Variants in MAP3K20 observed in about 807,000 individuals in gnomAD.
The protein encoded by MAP3K20 is HCCS-4.
A neutral mutation model predicts 85.7 loss-of-function variants in MAP3K20; 40 were observed. That is an observed-to-expected ratio of 0.47 (90% CI 0.36 to 0.61). MAP3K20 has a LOEUF of 0.61. Ranked by LOEUF, MAP3K20 falls within the 20% of genes least tolerant of loss-of-function variation. The probability of loss-of-function intolerance (pLI) is 0.00; values close to 1 mark genes in which losing one functional copy is unlikely to be tolerated. For synonymous variants in MAP3K20, 325 were observed against 327.7 expected (o/e 0.99, Z 0.09); for missense variants, 817 against 961.7 (o/e 0.85, Z 1.99).
chr2:173,088,666 A>G (rs1687207259), intron 1 of MAP3K20, among the ~76,000 whole-genome samples: 1 of 152,206 alleles, frequency 6.6e-6, no homozygotes, highest in African/African-American at 2.4e-5. Context: ...ATTAACAAAA[A>G]TGTAAACCTA....
chr2:173,124,671 T>TG (rs1422943931), intron 2 of MAP3K20, among the ~76,000 whole-genome samples: 1 of 152,212 alleles, frequency 6.6e-6, no homozygotes, highest in Non-Finnish European at 1.5e-5. Flanking sequence ...ATCCAGCTGC[T>TG]GGGGTGTCCA....
intron 3 of MAP3K20, among the ~76,000 whole-genome samples, chr2:173,176,980 T>C (rs1439283799): frequency 6.6e-6 from 1 of 151,954 alleles, no homozygotes; most frequent in Non-Finnish European, 1.5e-5. Context: ...GATAAAAGGA[T>C]CAAGACATCA....
intron 2 of MAP3K20, among the ~76,000 whole-genome samples, chr2:173,130,044 G>C (rs1426769123): frequency 6.6e-6 from 1 of 152,200 alleles, no homozygotes; most frequent in South Asian, 2.1e-4. Flanking sequence ...CCAAAGTGCA[G>C]AATTGCATTA....
intron 1 of MAP3K20, among the ~76,000 whole-genome samples, chr2:173,088,661 C>T (rs956525109): frequency 6.6e-6 from 1 of 152,092 alleles, no homozygotes; most frequent in African/African-American, 2.4e-5. Context: ...AAATAATTAA[C>T]AAAAATGTAA....
intron 2 of MAP3K20, among the ~76,000 whole-genome samples, chr2:173,165,632 T>A (rs889777278): frequency 1.3e-5 from 2 of 152,204 alleles, no homozygotes; most frequent in African/African-American, 4.8e-5. Context: ...ATGCATAGCA[T>A]AAAATTTGCT....
At position 173,220,594 on chromosome 2, in the gene MAP3K20, G is replaced by C. The variant is rs141842762; in HGVS notation, c.987+3344G>C. Reference sequence around the variant, plus strand: ...AATAAGTGGAAGCAAGTGAATTCTAGACTAATTTTTAGTGTATATTCAGAG... The same window carrying C: ...AATAAGTGGAAGCAAGTGAATTCTACACTAATTTTTAGTGTATATTCAGAG... On this transcript the variant is annotated intron_variant, in intron 11 of 19. Transcript: ENST00000375213. 9.7e-3 allele frequency among the ~76,000 whole-genome samples: 1,479 copies of C among 152,244 alleles called. 19 individuals carry two copies. Among genetic ancestry groups the C allele is most frequent in the Non-Finnish European group, 0.014 (942 of 68,012 alleles).
intron 11 of MAP3K20, chr2:173,222,332 C>T (rs1684275405): frequency 1.4e-5 from 14 of 985,854 alleles, no homozygotes; most frequent in Non-Finnish European, 1.7e-5. Flanking sequence ...TACTAAAGAG[C>T]ACAGCTGCTC....
intron 2 of MAP3K20, among the ~76,000 whole-genome samples, chr2:173,148,516 T>C (rs1689202253): frequency 1.3e-5 from 2 of 152,208 alleles, no homozygotes; most frequent in Non-Finnish European, 2.9e-5. Context: ...GGTCATGCTT[T>C]ATAGAATTGG....
intron 16 of MAP3K20, among the ~76,000 whole-genome samples, chr2:173,242,200 A>C (rs1291740927): frequency 6.8e-6 from 1 of 146,870 alleles, no homozygotes; most frequent in Non-Finnish European, 1.5e-5. Context: ...TTTGAGACGG[A>C]GTTTTGCTCT....
chr2:173,169,719 CA>C (rs67882203), intron 2 of MAP3K20, 85 bp from the exon 3 acceptor site: 2,732 of 1,317,394 alleles, frequency 2.1e-3, no homozygotes, highest in Admixed American at 2.6e-3. Context: ...GACCCTAACT[CA>C]AAAAAAAATG....
At chr2:173,242,647 T>C (rs1160057362) in intron 16 of MAP3K20, among the ~76,000 whole-genome samples, 3 of 151,192 alleles carry the variant, frequency 2.0e-5, no homozygotes, top group Non-Finnish European at 4.4e-5. Flanking sequence ...CTAAAGTTGC[T>C]GCAGGTTTTG....
intron 2 of MAP3K20, among the ~76,000 whole-genome samples, chr2:173,101,556 C>T (rs978757573): frequency 9.2e-5 from 14 of 152,080 alleles, no homozygotes; most frequent in Admixed American, 5.9e-4. Context: ...GCCTGAGTAG[C>T]TGATGTTATA....
Position 173,182,841 on chromosome 2 carries a change from C to CCTTTTA in MAP3K20, c.248-12_248-7dup. 6.5e-7 allele frequency: 1 copy of CCTTTTA among 1,539,386 alleles called. No individual in the cohort carries two copies. Among genetic ancestry groups the CCTTTTA allele is most frequent in the Non-Finnish European group, 8.8e-7 (1 of 1,135,904 alleles). ...TGATTTTAATTATATGCTTATCTTT[C>CCTTTTA]CTTTTAAAATAGAATATGCTTCTCT... On this transcript the variant is annotated splice_polypyrimidine_tract_variant and intron_variant, in intron 3 of 19. Transcript: ENST00000375213.
chr2:173,217,390 G>A (rs1173263467), intron 11 of MAP3K20, 140 bp downstream of exon 11: 16 of 997,528 alleles, frequency 1.6e-5, no homozygotes, highest in Middle Eastern at 3.5e-4. Flanking sequence ...TAAAGGGCCC[G>A]CGTGTGGACT....
At chr2:173,221,403 C>T (rs1318119250) in intron 11 of MAP3K20, 12 of 1,613,962 alleles carry the variant, frequency 7.4e-6, no homozygotes, top group African/African-American at 1.3e-5. Context: ...TCCAAAACCA[C>T]ATCTAAGAGA....
At chr2:173,207,637 T>G (rs549556954) in intron 9 of MAP3K20, 1 of 152,348 alleles carries the variant, frequency 6.6e-6, no homozygotes, top group East Asian at 1.9e-4. Flanking sequence ...CTTCCTACTC[T>G]TCTGAGACTT....
chr2:173,139,184 G>A (rs182289038), intron 2 of MAP3K20, among the ~76,000 whole-genome samples: 2 of 152,318 alleles, frequency 1.3e-5, no homozygotes, highest in East Asian at 3.9e-4. Context: ...GAAGTACAGT[G>A]CTTAATCTGA....
chr2:173,253,821 A>T (rs1470515124), intron 16 of MAP3K20, among the ~76,000 whole-genome samples: 1 of 152,120 alleles, frequency 6.6e-6, no homozygotes, highest in East Asian at 1.9e-4. Flanking sequence ...TAATCCCAGC[A>T]ATTTGTGAGG....
intron 2 of MAP3K20, among the ~76,000 whole-genome samples, chr2:173,154,643 T>C (rs906081876): frequency 6.6e-6 from 1 of 152,232 alleles, no homozygotes; most frequent in African/African-American, 2.4e-5. Context: ...AAGCCCTTGA[T>C]AGCAGGAGTT....
Sources: gnomAD v4.1 joint callset for allele counts (sites outside exome capture counted in the v4.1 genomes callset) on GRCh38, gnomAD v4.1.1 for gene constraint, MANE v1.5 for transcripts, NCBI Gene and HGNC (gene_info 2026-07-23, HGNC 2026-07-21) for gene names.